The following FCHSD2 variants were observed in gnomAD, a reference collection of about 807,000 sequenced individuals.
FCHSD2 encodes FCH and double SH3 domains 2, also known as F-BAR and double SH3 domains protein 2.
A neutral mutation model predicts 108.1 loss-of-function variants in FCHSD2; 38 were observed. The ratio of observed to expected loss-of-function variants is 0.35; its 90% CI spans 0.27 to 0.46. The LOEUF is 0.46. FCHSD2 is among the 20% of genes least tolerant of loss of function. The probability of loss-of-function intolerance (pLI) is 1.00; values close to 1 mark genes in which losing one functional copy is unlikely to be tolerated. For synonymous variants in FCHSD2, 279 were observed against 314.7 expected (o/e 0.89, Z 1.20); for missense variants, 751 against 897.8 (o/e 0.84, Z 2.09).
chr11:73,033,553 A>G (rs1432233948), intron 3 of FCHSD2, among the ~76,000 whole-genome samples: 2 of 152,182 alleles, frequency 1.3e-5, no homozygotes, highest in South Asian at 4.1e-4. Flanking sequence ...GGCGCTACAC[A>G]AGACATCTTC....
chr11:73,035,201 T>TAC (rs1858460909), intron 3 of FCHSD2, among the ~76,000 whole-genome samples: 5 of 86,312 alleles, frequency 5.8e-5, no homozygotes, highest in Non-Finnish European at 1.3e-4. Context: ...TATGTATGTA[T>TAC]GTACGTACTA....
At chr11:73,064,789 CT>C (rs1859251376) in intron 3 of FCHSD2, among the ~76,000 whole-genome samples, 2 of 152,124 alleles carry the variant, frequency 1.3e-5, no homozygotes, top group Admixed American at 1.3e-4. Flanking sequence ...CACATACACC[CT>C]CCGAAGTCTA....
intron 16 of FCHSD2, 53 bp downstream of exon 16, chr11:72,843,098 T>C (rs1861013423): frequency 6.4e-7 from 1 of 1,563,492 alleles, no homozygotes; most frequent in South Asian, 1.1e-5. Context: ...TCCAGGGCAA[T>C]ACAGTTTAGG....
At position 72,967,947 on chromosome 11, in the gene FCHSD2, C is replaced by T. The variant is rs544706234; in HGVS notation, c.705+16141G>A. ...TCTACTAACAATACAAAAAATTAGC[C>T]GGGTATGGTGGCGGGCACCTGTAGT... On this transcript the variant is annotated intron_variant, in intron 8 of 19. Transcript: ENST00000409418. 5.3e-5 allele frequency among the ~76,000 whole-genome samples: 8 copies of T among 151,902 alleles called. No individual in the cohort carries two copies. In the South Asian group the frequency reaches 1.0e-3, roughly 20 times the overall value.
intron 8 of FCHSD2, among the ~76,000 whole-genome samples, chr11:72,926,725 G>C (rs530390817): frequency 2.0e-5 from 3 of 152,236 alleles, no homozygotes; most frequent in Non-Finnish European, 4.4e-5. Flanking sequence ...CAAGAACTTG[G>C]GCAAAGGCAC....
chr11:72,883,489 C>T (rs1855130966), intron 12 of FCHSD2, among the ~76,000 whole-genome samples: 1 of 151,980 alleles, frequency 6.6e-6, no homozygotes, highest in African/African-American at 2.4e-5. Flanking sequence ...AAGATATTAA[C>T]AAATACTTTA....
In FCHSD2 at chr11:72,921,355, G is replaced by A. The variant is rs79094432; in HGVS notation, c.828+473C>T. Among the ~76,000 whole-genome samples, 613 of 152,172 alleles carry A rather than the reference G, an allele frequency of 4.0e-3. 6 individuals are homozygous for A. Among genetic ancestry groups the A allele is most frequent in the African/African-American group, 0.014 (590 of 41,530 alleles). Reference sequence around the variant, plus strand: ...GGATCTCAACACTTTTAAATGAAACGACTGCTGTCAAAGAATGACAGCATA... The same window carrying A: ...GGATCTCAACACTTTTAAATGAAACAACTGCTGTCAAAGAATGACAGCATA... On this transcript the variant is annotated intron_variant, in intron 9 of 19. Transcript: ENST00000409418.
chr11:73,031,978 C>G (rs993265923), intron 3 of FCHSD2, among the ~76,000 whole-genome samples: 1 of 151,842 alleles, frequency 6.6e-6, no homozygotes, highest in African/African-American at 2.4e-5. Flanking sequence ...AAATTAATAT[C>G]CACCAAGAGG....
chr11:73,128,443 C>T (rs1860910885), intron 2 of FCHSD2, among the ~76,000 whole-genome samples: 1 of 152,070 alleles, frequency 6.6e-6, no homozygotes. Flanking sequence ...CATTTCCAGC[C>T]TCCTCTGCAG....
At chr11:73,086,270 G>A (rs559015565) in intron 2 of FCHSD2, among the ~76,000 whole-genome samples, 8 of 152,200 alleles carry the variant, frequency 5.3e-5, no homozygotes, top group Admixed American at 6.5e-5. Context: ...TTAGCTGGGC[G>A]TGGTGGTGCG....
At chr11:72,877,521 T>C (rs1198062860) in intron 12 of FCHSD2, among the ~76,000 whole-genome samples, 1 of 152,192 alleles carries the variant, frequency 6.6e-6, no homozygotes, top group Non-Finnish European at 1.5e-5. Flanking sequence ...CAGATTAATA[T>C]TGTCATCTAA....
At chr11:73,134,353 C>T (rs1861073380) in intron 2 of FCHSD2, among the ~76,000 whole-genome samples, 1 of 152,010 alleles carries the variant, frequency 6.6e-6, no homozygotes, top group Admixed American at 6.6e-5. Context: ...GCCTGTGGTC[C>T]CAGCTACTCA....
intron 9 of FCHSD2, among the ~76,000 whole-genome samples, chr11:72,904,628 C>A (rs548994050): frequency 6.6e-6 from 1 of 152,234 alleles, no homozygotes; most frequent in African/African-American, 2.4e-5. Flanking sequence ...GAAAATATAT[C>A]CATATTACAA....
intron 2 of FCHSD2, among the ~76,000 whole-genome samples, chr11:73,085,638 A>T (rs969803493): frequency 6.6e-6 from 1 of 152,126 alleles, no homozygotes; most frequent in Non-Finnish European, 1.5e-5. Context: ...TTCACAAAAG[A>T]CTTCAGAAGA....
At chr11:73,114,826 T>C (rs1420707849) in intron 2 of FCHSD2, among the ~76,000 whole-genome samples, 1 of 152,060 alleles carries the variant, frequency 6.6e-6, no homozygotes, top group African/African-American at 2.4e-5. Flanking sequence ...CTCTTACCTC[T>C]CCTCTTCTCA....
chr11:73,029,711 C>G (rs1237690280), intron 3 of FCHSD2, among the ~76,000 whole-genome samples: 1 of 152,122 alleles, frequency 6.6e-6, no homozygotes, highest in African/African-American at 2.4e-5. Flanking sequence ...AAAGGGACAG[C>G]GTCCTTTTTC....
In FCHSD2 at chr11:73,141,976, C is replaced by G; in HGVS notation, c.-99G>C. On this transcript the variant is annotated 5_prime_UTR_variant, in exon 1 of 20. Coordinates refer to ENST00000409418, the MANE Select transcript of FCHSD2 (RefSeq NM_014824.3). ...GAGGGGACGGCCCAGCGAGCGCGCG[C>G]GTGTGTGAAAGGAGCGCTTAAGAAG... is the stretch of plus-strand genomic sequence containing the variant. 7.9e-7 allele frequency: 1 copy of G among 1,266,982 alleles called. No homozygotes were observed. Among genetic ancestry groups the G allele is most frequent in the Non-Finnish European group, 1.1e-6 (1 of 918,196 alleles). 78.5% of individuals were successfully genotyped at this position (1,266,982 alleles called of 1,614,324 possible).
intron 3 of FCHSD2, among the ~76,000 whole-genome samples, chr11:73,037,266 A>T (rs962839843): frequency 4.6e-5 from 7 of 152,284 alleles, no homozygotes; most frequent in African/African-American, 1.7e-4. Flanking sequence ...ACAATGGATG[A>T]ACCTACACTG....
At position 73,063,313 on chromosome 11, in the gene FCHSD2, G is replaced by A. The variant is rs181590527; in HGVS notation, c.165+20382C>T. ...GCACTAAACATGGAAAGGAACAACCGGTACCAGCCACTGCAAAAACATGCC... is the reference window on the plus strand; with the variant it reads ...GCACTAAACATGGAAAGGAACAACCAGTACCAGCCACTGCAAAAACATGCC... On this transcript the variant is annotated intron_variant, in intron 3 of 19. Coordinates refer to ENST00000409418, the MANE Select transcript of FCHSD2 (RefSeq NM_014824.3). 7.0e-3 allele frequency among the ~76,000 whole-genome samples: 1,067 copies of A among 152,194 alleles called. 28 individuals are homozygous for A. Among genetic ancestry groups the A allele is most frequent in the Admixed American group, 0.029 (437 of 15,288 alleles).
Sources: gnomAD v4.1 joint callset for allele counts (sites outside exome capture counted in the v4.1 genomes callset) on GRCh38, gnomAD v4.1.1 for gene constraint, MANE v1.5 for transcripts, NCBI Gene and HGNC (gene_info 2026-07-23, HGNC 2026-07-21) for gene names.